Variants in ENTPD4 observed in about 807,000 individuals in gnomAD.
The protein encoded by ENTPD4 is Golgi UDPase.
In ENTPD4, 60 loss-of-function variants were observed where a neutral mutation model predicts 79.1. The observed-to-expected ratio is 0.76, with a 90% CI of 0.62 to 0.94. The LOEUF is 0.94. Among genes scored for constraint, ENTPD4 ranks in the 40% least tolerant of loss-of-function variants. The pLI, the probability that ENTPD4 is intolerant of heterozygous loss-of-function variation, is 0.00. For missense variants in ENTPD4, 772 were observed against 775.1 expected (o/e 1.00, Z 0.05); for synonymous variants, 276 against 292.0 (o/e 0.95, Z 0.56).
At chr8:23,445,476 C>A (rs1800749093) in intron 4 of ENTPD4, among the ~76,000 whole-genome samples, 1 of 152,218 alleles carries the variant, frequency 6.6e-6, no homozygotes, top group East Asian at 1.9e-4. Context: ...TTCAGCTACA[C>A]TGAACTAACA....
At position 23,441,624 on chromosome 8, in the gene ENTPD4, G is replaced by C. The variant is rs576225675; in HGVS notation, c.827C>G (p.Ser276Trp). ...TAGILDMGGV[S>W]TQIAYEVPKT... ...GGGGACTTCGTACGCTATCTGAGTC[G>C]ACACGCCGCCCATGTCGAGAATGCC... The change falls in exon 8 of 13, where the codon TCG becomes TGG. Residue 276 changes from serine (S) to tryptophan (W), a missense_variant. Transcript: ENST00000358689. 1 of 1,614,162 alleles carries C rather than the reference G, an allele frequency of 6.2e-7. No homozygotes were observed. Among genetic ancestry groups the C allele is most frequent in the Non-Finnish European group, 8.5e-7 (1 of 1,180,018 alleles).
At chr8:23,442,288 A>T (rs1800686491) in intron 6 of ENTPD4, among the ~76,000 whole-genome samples, 2 of 152,226 alleles carry the variant, frequency 1.3e-5, no homozygotes, top group Admixed American at 6.5e-5. Context: ...CACAGGTTGG[A>T]AATACAATAC....
rs1800462423 is a variant in ENTPD4, at chr8:23,432,011, T to C, written c.*915A>G. The C allele has an allele frequency of 1.0e-6, 1 of 985,386 alleles. No homozygotes were observed. The allele number at this position is 985,386 out of a possible 1,614,324, so 61.0% of individuals were successfully genotyped here. ...CCCCTCACGCTGGTTTCTTGGGATT[T>C]TTCACACACTCGCACAAAGCTGTAG... On this transcript the variant is annotated 3_prime_UTR_variant, in exon 13 of 13. Transcript: ENST00000358689.
Position 23,429,473 on chromosome 8 carries a change from G to A in ENTPD4, c.*3453C>T. 5 of 985,182 alleles carry A rather than the reference G, an allele frequency of 5.1e-6. No individual in the cohort carries two copies. The highest frequency in any genetic ancestry group is 6.0e-6 in the Non-Finnish European group (5 of 829,716). The allele number at this position is 985,182 out of a possible 1,614,324, so 61.0% of individuals were successfully genotyped here. A position where few individuals can be genotyped will look rare whatever the true frequency, so the allele number is the denominator to read the frequency against. ...GAAATAAATAACTAAGTAATTTACT[G>A]AAAGGTAGTTTTGTTGCATTGCACA... On this transcript the variant is annotated 3_prime_UTR_variant, in exon 13 of 13. Coordinates refer to ENST00000358689, the MANE Select transcript of ENTPD4 (RefSeq NM_004901.5).
chr8:23,456,661 T>G (rs1462087067), intron 1 of ENTPD4, among the ~76,000 whole-genome samples: 1 of 152,204 alleles, frequency 6.6e-6, no homozygotes, highest in Admixed American at 6.5e-5. Context: ...GTGTTCCATT[T>G]TATAATTCTA....
chr8:23,457,465 T>A (rs1800981795), intron 1 of ENTPD4, 92 bp downstream of exon 1: 1 of 137,970 alleles, frequency 7.2e-6, no homozygotes, highest in South Asian at 2.2e-4. Context: ...CGCGGCCCGC[T>A]CGCCGCGCCG....
chr8:23,439,731 TA>T lies in ENTPD4; in HGVS notation c.1049+17del, dbSNP rs756643043. 22 of 1,612,654 alleles carry T rather than the reference TA, an allele frequency of 1.4e-5. No homozygotes were observed. The Admixed American group carries it at 2.5e-4, about 18-fold the overall frequency. The stretch of plus-strand genomic sequence containing the variant: ...CCTAGGTTTGCAAATGACTGCCAAG[TA>T]GTGAAAGGTGCTTTACCTGTTCTTT... On this transcript the variant is annotated intron_variant, in intron 9 of 12. Transcript: ENST00000358689.
At position 23,435,380 on chromosome 8, in the gene ENTPD4, T is replaced by C; in HGVS notation, c.1460+12A>G. The C allele has an allele frequency of 6.2e-7, 1 of 1,605,050 alleles. No homozygotes were observed. Among genetic ancestry groups the C allele is most frequent in the South Asian group, 1.1e-5 (1 of 90,728 alleles). On this transcript the variant is annotated intron_variant, in intron 11 of 12. Coordinates refer to ENST00000358689, the MANE Select transcript of ENTPD4 (RefSeq NM_004901.5). ...CTTAAGAGTGCCCTGGGCTTGACCT[T>C]CTAGTACTTACTTAAGCCTGTGGAG...
In ENTPD4 at chr8:23,432,126, T is replaced by C; in HGVS notation, c.*800A>G. The C allele has an allele frequency of 1.0e-6, 1 of 984,556 alleles. No individual in the cohort carries two copies. Among genetic ancestry groups the C allele is most frequent in the Non-Finnish European group, 1.2e-6 (1 of 829,362 alleles). 61.0% of individuals were successfully genotyped at this position (984,556 alleles called of 1,614,324 possible). Reference sequence around the variant, plus strand: ...TATAAATGGTTTAAAAAATTTAAATTTGCAAAGAAAACATATACAGTAACA... The same window carrying C: ...TATAAATGGTTTAAAAAATTTAAATCTGCAAAGAAAACATATACAGTAACA... On this transcript the variant is annotated 3_prime_UTR_variant, in exon 13 of 13. Coordinates refer to ENST00000358689, the MANE Select transcript of ENTPD4 (RefSeq NM_004901.5).
At chr8:23,447,602 A>C in intron 4 of ENTPD4, 78 bp downstream of exon 4, 1 of 1,158,018 alleles carries the variant, frequency 8.6e-7, no homozygotes, top group Admixed American at 1.7e-5. Context: ...ATGGTGTAGA[A>C]AGGGAACGAT....
At chr8:23,438,871 C>T (rs1800616124) in intron 9 of ENTPD4, among the ~76,000 whole-genome samples, 1 of 152,002 alleles carries the variant, frequency 6.6e-6, no homozygotes, top group South Asian at 2.1e-4. Context: ...TGAATAGCTC[C>T]AACTTGGTCT....
chr8:23,447,401 T>C lies in ENTPD4; in HGVS notation c.412+279A>G, dbSNP rs541755067. ...ATAGGAAAAAACTCTCCATAATTAA[T>C]GCCAACCAGCAACATCTGCGTAGAT... is the stretch of plus-strand genomic sequence containing the variant. On this transcript the variant is annotated intron_variant, in intron 4 of 12. Transcript: ENST00000358689. 1.1e-3 allele frequency among the ~76,000 whole-genome samples: 163 copies of C among 152,238 alleles called. 2 individuals carry two copies. The highest frequency in any genetic ancestry group is 3.9e-4 in the Admixed American group (6 of 15,286).
chr8:23,436,100 G>A (rs1800553881), intron 10 of ENTPD4, among the ~76,000 whole-genome samples: 1 of 152,184 alleles, frequency 6.6e-6, no homozygotes, highest in South Asian at 2.1e-4. Flanking sequence ...CACTTGGCCT[G>A]GGGAACGGGC....
intron 12 of ENTPD4, 156 bp downstream of exon 12, chr8:23,434,161 G>C: frequency 4.4e-6 from 4 of 913,430 alleles, no homozygotes; most frequent in Non-Finnish European, 6.8e-6. Context: ...TGTGGGGAGG[G>C]GGCAAGACCA....
At chr8:23,449,840 G>A (rs1800827863) in intron 2 of ENTPD4, 53 bp downstream of exon 2, 1 of 1,490,010 alleles carries the variant, frequency 6.7e-7, no homozygotes, top group African/African-American at 1.4e-5. Flanking sequence ...CTCAAGACCT[G>A]TTTTTGCATC....
intron 4 of ENTPD4, among the ~76,000 whole-genome samples, chr8:23,445,827 C>G (rs181742723): frequency 3.9e-5 from 6 of 152,294 alleles, no homozygotes; most frequent in Non-Finnish European, 1.5e-5. Context: ...GGCAGGTGCC[C>G]AGCATGTATC....
At chr8:23,442,195 A>G in intron 6 of ENTPD4, 129 bp from the exon 7 acceptor site, 1 of 615,064 alleles carries the variant, frequency 1.6e-6, no homozygotes, top group Non-Finnish European at 2.8e-6. Context: ...ATCTGAAATA[A>G]CACCTTGCTA....
chr8:23,452,744 TCG>T (rs1188744839), intron 1 of ENTPD4, among the ~76,000 whole-genome samples: 1 of 152,218 alleles, frequency 6.6e-6, no homozygotes, highest in East Asian at 1.9e-4. Flanking sequence ...CTGAAATGCC[TCG>T]CATTCCTTGG....
At chr8:23,440,746 T>A (rs1800653637) in intron 8 of ENTPD4, among the ~76,000 whole-genome samples, 2 of 152,238 alleles carry the variant, frequency 1.3e-5, no homozygotes, top group Admixed American at 1.3e-4. Flanking sequence ...CATTATCTCA[T>A]TTAAACCTTC....
Sources: gnomAD v4.1 joint callset for allele counts (sites outside exome capture counted in the v4.1 genomes callset) on GRCh38, gnomAD v4.1.1 for gene constraint, MANE v1.5 for transcripts, NCBI Gene and HGNC (gene_info 2026-07-23, HGNC 2026-07-21) for gene names.